SPATA17: variants seen among roughly 807,000 people sequenced by gnomAD.
The protein encoded by SPATA17 is spermatogenesis associated 17, also known as spermatogenesis-associated protein 17.
In SPATA17, 53 loss-of-function variants were observed where a neutral mutation model predicts 62.2. The observed-to-expected ratio is 0.85, with a 90% CI of 0.68 to 1.07. SPATA17 has a LOEUF of 1.07. Among genes scored for constraint, SPATA17 ranks in the 50% least tolerant of loss-of-function variants. The pLI is 0.00. For missense variants in SPATA17, 466 were observed against 425.5 expected (o/e 1.10, Z -0.84); for synonymous variants, 146 against 146.8 (o/e 0.99, Z 0.04).
chr1:217,710,404 AC>A (rs1307114750), intron 5 of SPATA17, among the ~76,000 whole-genome samples: 2 of 152,144 alleles, frequency 1.3e-5, no homozygotes, highest in Non-Finnish European at 2.9e-5. Flanking sequence ...TTAAAAAAAA[AC>A]AACTCTTGAC....
intron 4 of SPATA17, among the ~76,000 whole-genome samples, chr1:217,682,876 G>T (rs1284333623): frequency 1.3e-5 from 2 of 151,762 alleles, no homozygotes; most frequent in Non-Finnish European, 2.9e-5. Context: ...AAAACTAAAC[G>T]TATATTTCAA....
chr1:217,744,027 A>G (rs1672687571), intron 6 of SPATA17, among the ~76,000 whole-genome samples: 1 of 151,806 alleles, frequency 6.6e-6, no homozygotes, highest in Admixed American at 6.6e-5. Flanking sequence ...AGTTTTTTTT[A>G]CTGATAAAAA....
At chr1:217,668,981 C>G (rs548854114) in intron 3 of SPATA17, 52 bp from the exon 4 acceptor site, 14 of 1,438,406 alleles carry the variant, frequency 9.7e-6, no homozygotes, top group Non-Finnish European at 1.3e-5. Context: ...AAATAGGCTG[C>G]ACTGTCTTTG....
At chr1:217,678,906 C>T (rs1183093350) in intron 4 of SPATA17, among the ~76,000 whole-genome samples, 3 of 147,872 alleles carry the variant, frequency 2.0e-5, no homozygotes, top group Non-Finnish European at 4.5e-5. Flanking sequence ...GACATGAATA[C>T]AAATCATTTT....
At chr1:217,865,308 C>T (rs1675986034) in intron 10 of SPATA17, among the ~76,000 whole-genome samples, 1 of 152,216 alleles carries the variant, frequency 6.6e-6, no homozygotes, top group South Asian at 2.1e-4. Flanking sequence ...CCCAATACTA[C>T]ATTTTCCCAT....
At chr1:217,771,543 A>C (rs1483466244) in intron 6 of SPATA17, among the ~76,000 whole-genome samples, 1 of 152,216 alleles carries the variant, frequency 6.6e-6, no homozygotes, top group Non-Finnish European at 1.5e-5. Flanking sequence ...TACTGCATCA[A>C]TATAAATAAA....
intron 1 of SPATA17, among the ~76,000 whole-genome samples, chr1:217,645,719 T>C (rs1670166191): frequency 6.6e-6 from 1 of 152,194 alleles, no homozygotes; most frequent in African/African-American, 2.4e-5. Flanking sequence ...CATTATGTTG[T>C]TGTATCTTTT....
At chr1:217,800,037 A>C (rs1463610874) in intron 8 of SPATA17, among the ~76,000 whole-genome samples, 1 of 152,264 alleles carries the variant, frequency 6.6e-6, no homozygotes, top group East Asian at 1.9e-4. Flanking sequence ...ATATGTGTTA[A>C]AAATTTCTGA....
chr1:217,741,998 A>T lies in SPATA17; in HGVS notation c.419A>T (p.Glu140Val). The T allele has an allele frequency of 6.2e-7, 1 of 1,614,138 alleles. No individual in the cohort carries two copies. Among genetic ancestry groups the T allele is most frequent in the Middle Eastern group, 1.6e-4 (1 of 6,062 alleles). ...AIRKALEEFAEMKEREEKKAN... is the reference protein window; with the variant it reads ...AIRKALEEFAVMKEREEKKAN... ...AGGAAGGCACTGGAGGAGTTTGCAG[A>T]AATGAAAGAAAGAGAAGAGAAGAAG... Residue 140 changes from glutamate (E) to valine (V), a missense_variant, in exon 6 of 11, where the codon GAA becomes GTA. By Grantham distance (121) the Glu-to-Val change is moderately radical. Transcript: ENST00000366933.
At chr1:217,790,678 T>A (rs1159382203) in intron 8 of SPATA17, among the ~76,000 whole-genome samples, 1 of 152,196 alleles carries the variant, frequency 6.6e-6, no homozygotes, top group Non-Finnish European at 1.5e-5. Flanking sequence ...TCCGCCCGCC[T>A]CGGCCTCCCA....
chr1:217,660,448 A>C (rs980715046), intron 3 of SPATA17, among the ~76,000 whole-genome samples: 1 of 152,200 alleles, frequency 6.6e-6, no homozygotes, highest in African/African-American at 2.4e-5. Flanking sequence ...TACAAGTTGG[A>C]AGATGTTTGC....
chr1:217,766,770 C>T (rs1445652718), intron 6 of SPATA17, among the ~76,000 whole-genome samples: 6 of 148,406 alleles, frequency 4.0e-5, no homozygotes, highest in Non-Finnish European at 8.9e-5. Flanking sequence ...TTTAGGTTCA[C>T]GGGGCACACA....
Position 217,795,050 on chromosome 1 carries a change from T to C in SPATA17, c.873-6668T>C, listed in dbSNP as rs144561364. 9.7e-4 allele frequency among the ~76,000 whole-genome samples: 148 copies of C among 152,328 alleles called. 1 individual carries two copies. Among genetic ancestry groups the C allele is most frequent in the Middle Eastern group, 3.4e-3 (1 of 294 alleles). ...AATAGGCTTGTATTTTCTTTTGTTGTTCTTACTATGAACATGATTTTCCAA... is the reference window on the plus strand; with the variant it reads ...AATAGGCTTGTATTTTCTTTTGTTGCTCTTACTATGAACATGATTTTCCAA... On this transcript the variant is annotated intron_variant, in intron 8 of 10. Transcript: ENST00000366933.
chr1:217,704,229 C>CT (rs1671677329), intron 5 of SPATA17, among the ~76,000 whole-genome samples: 1 of 53,244 alleles, frequency 1.9e-5, no homozygotes, highest in Non-Finnish European at 5.2e-5. Flanking sequence ...CTTCCCTCTA[C>CT]CTTTTTTTTT....
At chr1:217,634,297 TC>T (rs1558545353) in intron 1 of SPATA17, among the ~76,000 whole-genome samples, 1 of 152,178 alleles carries the variant, frequency 6.6e-6, no homozygotes, top group Non-Finnish European at 1.5e-5. Context: ...GAAATCTGTC[TC>T]CCTGAGCATT....
At chr1:217,803,785 A>G (rs1674369544) in intron 9 of SPATA17, among the ~76,000 whole-genome samples, 1 of 152,194 alleles carries the variant, frequency 6.6e-6, no homozygotes, top group Admixed American at 6.5e-5. Flanking sequence ...TGGGAGGCCA[A>G]GGTGGGCAGA....
chr1:217,713,743 T>G (rs1315122102), intron 5 of SPATA17, among the ~76,000 whole-genome samples: 1 of 152,224 alleles, frequency 6.6e-6, no homozygotes, highest in Non-Finnish European at 1.5e-5. Flanking sequence ...TGTGTAGTCA[T>G]TGTGCTTTTG....
At chr1:217,699,251 T>G (rs1671536119) in intron 5 of SPATA17, among the ~76,000 whole-genome samples, 1 of 152,216 alleles carries the variant, frequency 6.6e-6, no homozygotes, top group Non-Finnish European at 1.5e-5. Context: ...CCTATGGTAA[T>G]TGCATATTTA....
intron 5 of SPATA17, among the ~76,000 whole-genome samples, chr1:217,711,455 T>C (rs1398102117): frequency 6.6e-6 from 1 of 152,224 alleles, no homozygotes; most frequent in Non-Finnish European, 1.5e-5. Flanking sequence ...ATTGAGAACA[T>C]TGGCTTTGGA....
Sources: gnomAD v4.1 joint callset for allele counts (sites outside exome capture counted in the v4.1 genomes callset) on GRCh38, gnomAD v4.1.1 for gene constraint, MANE v1.5 for transcripts, NCBI Gene and HGNC (gene_info 2026-07-23, HGNC 2026-07-21) for gene names.